C19orf47: variants seen among roughly 807,000 people sequenced by gnomAD.
The protein encoded by C19orf47 is chromosome 19 open reading frame 47.
In C19orf47, 18 loss-of-function variants were observed where a neutral mutation model predicts 32.3. The ratio of observed to expected loss-of-function variants is 0.56; its 90% CI spans 0.39 to 0.83. C19orf47 has a LOEUF of 0.83. Among genes scored for constraint, C19orf47 ranks in the 40% least tolerant of loss-of-function variants. C19orf47 has a pLI of 0.00. For missense variants in C19orf47, 484 were observed against 531.6 expected (o/e 0.91, Z 0.88); for synonymous variants, 202 against 211.1 (o/e 0.96, Z 0.37).
chr19:40,308,979 C>T, the C19orf47 span, among the ~76,000 whole-genome samples: 1 of 152,132 alleles, frequency 6.6e-6, no homozygotes, highest in Admixed American at 6.6e-5. Flanking sequence ...AGAGGATTAC[C>T]TGAGCCCAGG....
intron 1 of C19orf47, among the ~76,000 whole-genome samples, chr19:40,345,335 T>C (rs970279671): frequency 1.3e-5 from 2 of 152,110 alleles, no homozygotes. Flanking sequence ...ATCCCAATTT[T>C]ACCACGTCCT....
downstream of C19orf47, among the ~76,000 whole-genome samples, chr19:40,318,932 A>T (rs1252053857): frequency 2.0e-5 from 3 of 152,180 alleles, no homozygotes; most frequent in Non-Finnish European, 4.4e-5. Context: ...CGAAGGGTAC[A>T]CAACAGTGTG....
At chr19:40,294,637 CA>C in the C19orf47 span, among the ~76,000 whole-genome samples, 1 of 152,174 alleles carries the variant, frequency 6.6e-6, no homozygotes, top group Non-Finnish European at 1.5e-5. Flanking sequence ...GTCCCCAAGA[CA>C]AAAACCAGAT....
the C19orf47 span, chr19:40,299,413 C>A: frequency 1.3e-5 from 2 of 152,038 alleles, no homozygotes; most frequent in Non-Finnish European, 2.9e-5. Context: ...TTATTAGTGA[C>A]CTAAATTAAT....
chr19:40,298,172 A>C, the C19orf47 span, among the ~76,000 whole-genome samples: 1 of 151,756 alleles, frequency 6.6e-6, no homozygotes, highest in Non-Finnish European at 1.5e-5. Context: ...TGTAAGTAGG[A>C]TCAAAGTTGA....
chr19:40,317,541 C>T (rs1007726683), downstream of C19orf47, among the ~76,000 whole-genome samples: 9 of 151,820 alleles, frequency 5.9e-5, no homozygotes, highest in African/African-American at 1.7e-4. Flanking sequence ...AAATGTATAA[C>T]GGGTGGGCCA....
intron 8 of C19orf47, among the ~76,000 whole-genome samples, chr19:40,323,791 C>G (rs1295286405): frequency 6.6e-6 from 1 of 152,112 alleles, no homozygotes; most frequent in East Asian, 1.9e-4. Flanking sequence ...GGGAGGCATC[C>G]AGGAGTACTG....
the C19orf47 span, among the ~76,000 whole-genome samples, chr19:40,306,718 A>G: frequency 6.6e-6 from 1 of 151,618 alleles, no homozygotes; most frequent in Non-Finnish European, 1.5e-5. Context: ...TTACTTTTCT[A>G]AAAGTTTACA....
rs1019935187 is a variant in C19orf47 at position 40,319,898 on chromosome 19, C to T, written c.*1984G>A. The T allele has an allele frequency of 6.5e-6, 1 of 154,300 alleles. No homozygotes were observed. Among genetic ancestry groups the T allele is most frequent in the Non-Finnish European group, 1.5e-5 (1 of 68,496 alleles). The allele number at this position is 154,300 out of a possible 1,614,324, so 9.6% of individuals were successfully genotyped here. On this transcript the variant is annotated 3_prime_UTR_variant, in exon 9 of 9. Transcript: ENST00000683109. ...CTGTCAGCAGCCATGAACCCCCAGCCCAGGTGTCCGCCTGAGCCCCAGCGG... is the reference window on the plus strand; with the variant it reads ...CTGTCAGCAGCCATGAACCCCCAGCTCAGGTGTCCGCCTGAGCCCCAGCGG...
chr19:40,342,319 C>CAA, intron 1 of C19orf47: 1 of 168,628 alleles, frequency 5.9e-6, no homozygotes, highest in Non-Finnish European at 1.3e-5. Context: ...GACCCTGTCT[C>CAA]AAAAAAAAAG....
the C19orf47 span, among the ~76,000 whole-genome samples, chr19:40,297,700 G>A: frequency 2.5e-3 from 158 of 62,216 alleles, no homozygotes; most frequent in Non-Finnish European, 4.3e-3. Context: ...ACTCCGTCTC[G>A]GAAAAAAAAA....
At chr19:40,337,288 A>AATTATTATTATTATTATTATTATT (rs57061818) in intron 2 of C19orf47, among the ~76,000 whole-genome samples, 2 of 143,216 alleles carry the variant, frequency 1.4e-5, no homozygotes, top group Non-Finnish European at 3.0e-5. Context: ...CCATGACAGC[A>AATTATTATTATTATTATTATTATT]ATTATTATTA....
chr19:40,293,949 GTC>G, the C19orf47 span, among the ~76,000 whole-genome samples: 4 of 151,808 alleles, frequency 2.6e-5, no homozygotes, highest in African/African-American at 7.3e-5. Flanking sequence ...GTAAAACCCC[GTC>G]TCTATTAAAA....
At chr19:40,317,777 T>C (rs1441464671), downstream of C19orf47, among the ~76,000 whole-genome samples, 2 of 150,550 alleles carry the variant, frequency 1.3e-5, no homozygotes, top group African/African-American at 4.9e-5. Flanking sequence ...TGGAGTGTAG[T>C]GGTATGATCT....
chr19:40,338,348 TACAC>T (rs10584231), intron 2 of C19orf47, among the ~76,000 whole-genome samples: 2 of 147,298 alleles, frequency 1.4e-5, no homozygotes, highest in East Asian at 2.0e-4. Context: ...AATATATATA[TACAC>T]ACACACACAC....
downstream of C19orf47, among the ~76,000 whole-genome samples, chr19:40,315,624 T>TA (rs1241714185): frequency 6.6e-6 from 1 of 151,146 alleles, no homozygotes; most frequent in Non-Finnish European, 1.5e-5. Flanking sequence ...CTACTAAAAA[T>TA]AAAAAATTAG....
chr19:40,330,235 T>TC (rs2077921303), intron 5 of C19orf47, among the ~76,000 whole-genome samples: 2 of 150,254 alleles, frequency 1.3e-5, no homozygotes, highest in South Asian at 4.1e-4. Flanking sequence ...TTCTTTTTTT[T>TC]CTTTTTTTTT....
chr19:40,297,058 G>A, the C19orf47 span, among the ~76,000 whole-genome samples: 2 of 152,166 alleles, frequency 1.3e-5, no homozygotes, highest in Non-Finnish European at 2.9e-5. Context: ...AGAAATATAG[G>A]AAGTAATCCA....
the C19orf47 span, among the ~76,000 whole-genome samples, chr19:40,304,740 TG>T: frequency 6.6e-6 from 1 of 152,160 alleles, no homozygotes; most frequent in Non-Finnish European, 1.5e-5. Flanking sequence ...ACTGTTAATC[TG>T]CCTTATGTCA....
Sources: allele counts gnomAD v4.1 joint callset (sites outside exome capture counted in the v4.1 genomes callset), GRCh38; gene constraint gnomAD v4.1.1; transcripts MANE v1.5; gene names NCBI Gene and HGNC (gene_info 2026-07-23, HGNC 2026-07-21).